IFT122: variants seen among roughly 807,000 people sequenced by gnomAD.
The protein encoded by IFT122 is intraflagellar transport protein 122 homolog.
IFT122 carries 118 observed loss-of-function variants against 161.6 expected under a neutral mutation model. The ratio of observed to expected loss-of-function variants is 0.73; its 90% confidence interval spans 0.63 to 0.85. The LOEUF is 0.85. Ranked by LOEUF, IFT122 falls within the 40% of genes least tolerant of loss-of-function variation. The pLI is 0.00. For missense variants in IFT122, 1,381 were observed against 1,579.6 expected (o/e 0.87, Z 2.13); for synonymous variants, 550 against 602.4 (o/e 0.91, Z 1.27).
rs913287916 is a variant in IFT122, at chr3:129,517,584, T to G, written c.3381T>G (p.Ile1127Met). The G allele has an allele frequency of 6.2e-7, 1 of 1,613,538 alleles. No homozygotes were observed. Residue 1127 changes from isoleucine (I) to methionine (M), a missense_variant, in exon 27 of 30, where the codon ATT becomes ATG. This residue lies in a region of IFT122 where 177 missense variants were observed against 199.2 expected (regional missense o/e 0.89). Coordinates refer to ENST00000348417, the MANE Select transcript of IFT122 (RefSeq NM_052989.3). ...AGCGGGATGACAGACAGCTAGAGAT[T>G]GCAAACAACAGTATCCATGCCCTTG... Reference protein sequence around the residue: ...RPKRDDRQLEIANNSSQILRL... With the variant: ...RPKRDDRQLEMANNSSQILRL...
rs141444464 is a variant in IFT122, at chr3:129,451,099, G to A, written c.109-815G>A. The stretch of plus-strand genomic sequence containing the variant: ...ATACCTAAATCCATATTACAGCTGG[G>A]TTTTATTTTATTTCTTAGAGACAGG... On this transcript the variant is annotated intron_variant, in intron 2 of 29. Transcript: ENST00000348417. Among the ~76,000 whole-genome samples, 11 of 151,842 alleles carry A rather than the reference G, an allele frequency of 7.2e-5. No homozygotes were observed. The East Asian group carries it at 2.1e-3, about 30-fold the overall frequency.
At chr3:129,512,238 G>A in intron 23 of IFT122, 74 bp from the exon 24 acceptor site, 1 of 973,906 alleles carries the variant, frequency 1.0e-6, no homozygotes, top group South Asian at 1.3e-5. Context: ...AGAATTATTG[G>A]TGTCTGCCTT....
intron 26 of IFT122, among the ~76,000 whole-genome samples, chr3:129,516,484 CTGCCCCTGCACACACACAT>C (rs2083673505): frequency 7.8e-6 from 1 of 127,476 alleles, no homozygotes; most frequent in South Asian, 3.0e-4. Context: ...CACATGGAGA[CTGCCCCTGCACACACACAT>C]GGAGACTGCC....
At chr3:129,500,190 G>A (rs1407550376) in intron 19 of IFT122, 122 bp downstream of exon 19, 2 of 1,187,752 alleles carry the variant, frequency 1.7e-6, no homozygotes, top group Non-Finnish European at 2.5e-6. Context: ...TAGTGGCTAG[G>A]TTCTTCAGGA....
intron 27 of IFT122, among the ~76,000 whole-genome samples, chr3:129,518,803 T>C (rs2084349440): frequency 6.6e-6 from 1 of 152,152 alleles, no homozygotes; most frequent in Non-Finnish European, 1.5e-5. Context: ...ACTGAATGTT[T>C]CTCCAGGATC....
intron 18 of IFT122, among the ~76,000 whole-genome samples, chr3:129,499,429 G>C (rs907486323): frequency 6.6e-6 from 1 of 152,114 alleles, no homozygotes; most frequent in African/African-American, 2.4e-5. Flanking sequence ...GAAGCATGTG[G>C]TATCACCCAT....
At chr3:129,502,265 C>A (rs975536511) in intron 19 of IFT122, among the ~76,000 whole-genome samples, 50 of 152,220 alleles carry the variant, frequency 3.3e-4, no homozygotes, top group African/African-American at 1.2e-3. Context: ...TTCCTGCACC[C>A]GTGGTGGAAA....
At chr3:129,453,264 C>G (rs1012186236) in intron 3 of IFT122, among the ~76,000 whole-genome samples, 1 of 151,882 alleles carries the variant, frequency 6.6e-6, no homozygotes, top group African/African-American at 2.4e-5. Flanking sequence ...TAGTAGGAAT[C>G]TAATGGAAAT....
At position 129,477,888 on chromosome 3, in the gene IFT122, AG is replaced by A; in HGVS notation, c.1148-127del. 10 of 766,146 alleles carry A rather than the reference AG, an allele frequency of 1.3e-5. No individual in the cohort carries two copies. The South Asian group carries it at 1.6e-4, about 12-fold the overall frequency. The allele number at this position is 766,146 out of a possible 1,614,324, so 47.5% of individuals were successfully genotyped here. ...TGATTGTATGTATTAGATACTCTAA[AG>A]ATTTTTCAATGAGAGTATCTCACTT... On this transcript the variant is annotated intron_variant, in intron 11 of 29. Coordinates refer to ENST00000348417, the MANE Select transcript of IFT122 (RefSeq NM_052989.3).
intron 26 of IFT122, among the ~76,000 whole-genome samples, chr3:129,516,694 GCACACACACACACA>G (rs771398986): frequency 2.0e-5 from 1 of 50,184 alleles, no homozygotes; most frequent in African/African-American, 1.1e-4. Flanking sequence ...GATTGCTCCT[GCACACACACACACA>G]CACACACACA....
intron 7 of IFT122, 129 bp downstream of exon 7, chr3:129,464,910 A>T: frequency 9.9e-7 from 1 of 1,012,478 alleles, no homozygotes; most frequent in Non-Finnish European, 1.5e-6. Flanking sequence ...AACCTGTCCC[A>T]TTTGTATGGA....
In IFT122 at chr3:129,478,110, G is replaced by A; in HGVS notation, c.1242G>A (p.Leu414=). ...CAGAGAAAATCCTCATCTATGAGTT[G>A]TATTCAGAGGACTTATCAGACATGC... ...QLPEKILIYE[L]YSEDLSDMHY... Residue 414 remains leucine, a synonymous_variant, in exon 12 of 30, where the codon TTG becomes TTA. Transcript: ENST00000348417. 6.2e-7 allele frequency: 1 copy of A among 1,614,060 alleles called. No homozygotes were observed. The highest frequency in any genetic ancestry group is 8.5e-7 in the Non-Finnish European group (1 of 1,179,870).
chr3:129,478,674 G>C (rs992612057), intron 12 of IFT122, among the ~76,000 whole-genome samples: 1 of 152,136 alleles, frequency 6.6e-6, no homozygotes, highest in Non-Finnish European at 1.5e-5. Flanking sequence ...AGGAATGCTT[G>C]AACCCAGGAG....
At chr3:129,460,744 G>T (rs1223032668) in intron 4 of IFT122, 6 of 854,292 alleles carry the variant, frequency 7.0e-6, no homozygotes, top group Admixed American at 5.2e-5. Flanking sequence ...GAGTGAAGTT[G>T]TAAGTAAAGT....
intron 4 of IFT122, among the ~76,000 whole-genome samples, chr3:129,459,668 C>T (rs2075977987): frequency 1.2e-5 from 1 of 82,672 alleles, no homozygotes; most frequent in African/African-American, 5.0e-5. Flanking sequence ...TTCCTTCCTT[C>T]CCTCCCTCCC....
rs970927319 is a variant in IFT122, at chr3:129,476,361, A to G, written c.863A>G (p.Tyr288Cys). 3.1e-6 allele frequency: 5 copies of G among 1,614,054 alleles called. No homozygotes were observed. Among genetic ancestry groups the G allele is most frequent in the Non-Finnish European group, 4.2e-6 (5 of 1,180,030 alleles). The change falls in exon 10 of 30, where the codon TAC becomes TGC. Residue 288 changes from tyrosine to cysteine, a missense_variant. Tyr to Cys is a radical substitution (Grantham distance 194, BLOSUM62 -2). This residue lies in a region of IFT122 where 544 missense variants were observed against 648.0 expected (regional missense o/e 0.84). Transcript: ENST00000348417. ...ALNFDPCCIS[Y>C]FTKGEYILLG... ...AACTTTGACCCCTGCTGCATCAGCT[A>G]CTTTACTAAAGGCGAGTACATTTTG...
chr3:129,490,396 C>T (rs1158800067), intron 16 of IFT122, among the ~76,000 whole-genome samples: 1 of 152,178 alleles, frequency 6.6e-6, no homozygotes, highest in Non-Finnish European at 1.5e-5. Context: ...AGCTGCTGAG[C>T]TCCCGCCAGA....
chr3:129,515,171 G>T, intron 25 of IFT122: 3 of 505,738 alleles, frequency 5.9e-6, no homozygotes, highest in Non-Finnish European at 1.1e-5. Context: ...TCCGCACGGT[G>T]CCCGGAGCAT....
At chr3:129,459,901 A>G (rs1280784154) in intron 4 of IFT122, among the ~76,000 whole-genome samples, 1 of 151,734 alleles carries the variant, frequency 6.6e-6, no homozygotes, top group African/African-American at 2.4e-5. Context: ...CTGCAGGTGC[A>G]CACCCCCACA....
Sources: gnomAD v4.1 joint callset for allele counts (sites outside exome capture counted in the v4.1 genomes callset) on GRCh38, gnomAD v4.1.1 for gene constraint, gnomAD v4.1.1 regional missense constraint, MANE v1.5 for transcripts, NCBI Gene and HGNC (gene_info 2026-07-23, HGNC 2026-07-21) for gene names.